Variants in WWOX observed in about 807,000 individuals in gnomAD.
WWOX encodes WW domain-containing oxidoreductase.
A neutral mutation model predicts 46.2 loss-of-function variants in WWOX; 69 were observed. That is an observed-to-expected ratio of 1.49 (90% confidence interval 1.23 to 1.82). The LOEUF is 1.82. WWOX is among the 40% of genes most tolerant of loss of function. The pLI is 0.00. For missense variants in WWOX, 919 were observed against 542.6 expected, an observed-to-expected ratio of 1.69 and a Z score of -6.89; for synonymous variants, 359 against 202.6, an observed-to-expected ratio of 1.77 and a Z score of -6.56.
At chr16:78,616,275 C>G (rs1420267349) in intron 8 of WWOX, among the ~76,000 whole-genome samples, 1 of 151,774 alleles carries the variant, frequency 6.6e-6, no homozygotes, top group Non-Finnish European at 1.5e-5. Context: ...TTTTGGGCTG[C>G]TATAACAAAA....
intron 6 of WWOX, among the ~76,000 whole-genome samples, chr16:78,390,962 G>C (rs867644475): frequency 6.6e-6 from 1 of 152,186 alleles, no homozygotes; most frequent in Non-Finnish European, 1.5e-5. Flanking sequence ...ATCAGGCTCT[G>C]AGTTCCTGTG....
intron 5 of WWOX, among the ~76,000 whole-genome samples, chr16:78,259,955 TCCTATGCAGTTTACA>T (rs2038234652): frequency 1.3e-5 from 2 of 151,254 alleles, no homozygotes; most frequent in African/African-American, 4.9e-5. Context: ...TAGGATAAAA[TCCTATGCAGTTTACA>T]GAAATGTAAA....
At chr16:79,085,647 T>C (rs2048840754) in intron 8 of WWOX, among the ~76,000 whole-genome samples, 1 of 152,252 alleles carries the variant, frequency 6.6e-6, no homozygotes, top group Non-Finnish European at 1.5e-5. Context: ...TTCAAAATTA[T>C]ATCATCTTTA....
rs916252527 is a variant in WWOX at position 78,967,033 on chromosome 16, C to G, written c.1057-244575C>G. 7.2e-5 allele frequency among the ~76,000 whole-genome samples: 11 copies of G among 152,262 alleles called. No individual in the cohort carries two copies. The East Asian group carries it at 2.1e-3, about 29-fold the overall frequency. On this transcript the variant is annotated intron_variant, in intron 8 of 8. Coordinates refer to ENST00000566780, the MANE Select transcript of WWOX (RefSeq NM_016373.4). ...GAGCCTGTAGAATATGCAGACTATT[C>G]AAATGCTTCCTTTGGTCCATTGTTG...
intron 8 of WWOX, among the ~76,000 whole-genome samples, chr16:78,944,635 C>T (rs772413253): frequency 3.3e-4 from 50 of 152,056 alleles, no homozygotes; most frequent in Admixed American, 7.2e-4. Context: ...GAATGAATGG[C>T]GGGTCACCCA....
intron 8 of WWOX, among the ~76,000 whole-genome samples, chr16:78,988,975 T>A (rs2046832977): frequency 6.6e-6 from 1 of 152,190 alleles, no homozygotes; most frequent in African/African-American, 2.4e-5. Flanking sequence ...GCAGGAGAAT[T>A]CCTGAGTTCC....
At chr16:78,570,743 C>G (rs1438798185) in intron 8 of WWOX, among the ~76,000 whole-genome samples, 1 of 152,120 alleles carries the variant, frequency 6.6e-6, no homozygotes, top group Non-Finnish European at 1.5e-5. Flanking sequence ...GCCAAAAAAT[C>G]AGTAAACACC....
intron 8 of WWOX, among the ~76,000 whole-genome samples, chr16:79,185,576 C>G (rs1447312527): frequency 6.6e-6 from 1 of 152,176 alleles, no homozygotes; most frequent in Non-Finnish European, 1.5e-5. Context: ...CCGCACAGAT[C>G]TCATGTCAAA....
At chr16:79,005,335 C>G (rs1010487047) in intron 8 of WWOX, among the ~76,000 whole-genome samples, 4 of 152,158 alleles carry the variant, frequency 2.6e-5, no homozygotes, top group Non-Finnish European at 5.9e-5. Flanking sequence ...CATTTACTCC[C>G]CAGGCTAAGC....
At chr16:78,773,449 C>A (rs903187697) in intron 8 of WWOX, among the ~76,000 whole-genome samples, 5 of 152,190 alleles carry the variant, frequency 3.3e-5, no homozygotes, top group African/African-American at 9.6e-5. Flanking sequence ...CGGGACATTC[C>A]TCCCTCATTT....
At chr16:78,868,061 T>A (rs1260248215) in intron 8 of WWOX, among the ~76,000 whole-genome samples, 1 of 152,204 alleles carries the variant, frequency 6.6e-6, no homozygotes, top group South Asian at 2.1e-4. Context: ...TAAATGCTTA[T>A]ACAAAGTCTT....
At chr16:78,934,681 C>T (rs1433842073) in intron 8 of WWOX, among the ~76,000 whole-genome samples, 4 of 152,106 alleles carry the variant, frequency 2.6e-5, no homozygotes, top group Non-Finnish European at 5.9e-5. Flanking sequence ...ATCTTCAGTG[C>T]CAGAACCCAG....
chr16:78,375,056 A>G (rs566452726), intron 5 of WWOX, among the ~76,000 whole-genome samples: 2 of 152,192 alleles, frequency 1.3e-5, no homozygotes, highest in Non-Finnish European at 2.9e-5. Context: ...CATTTTAAGC[A>G]GGAAACCTTA....
chr16:78,666,736 T>G (rs1038532728), intron 8 of WWOX, among the ~76,000 whole-genome samples: 1 of 152,214 alleles, frequency 6.6e-6, no homozygotes, highest in African/African-American at 2.4e-5. Flanking sequence ...TCTGCCTCTT[T>G]CCTAATGGGA....
intron 8 of WWOX, among the ~76,000 whole-genome samples, chr16:78,983,739 A>G (rs1171550886): frequency 6.6e-6 from 1 of 152,204 alleles, no homozygotes; most frequent in Non-Finnish European, 1.5e-5. Context: ...GCATTTCAGG[A>G]GTGAGAGATA....
At chr16:78,591,219 A>G (rs1395340437) in intron 8 of WWOX, among the ~76,000 whole-genome samples, 2 of 152,198 alleles carry the variant, frequency 1.3e-5, no homozygotes, top group Non-Finnish European at 2.9e-5. Context: ...CTAGAGAACA[A>G]AGCACCTTCT....
At chr16:79,149,905 C>T (rs2050245752) in intron 8 of WWOX, among the ~76,000 whole-genome samples, 1 of 152,170 alleles carries the variant, frequency 6.6e-6, no homozygotes. Flanking sequence ...ATCCTTCTAT[C>T]CATCAACCCA....
intron 8 of WWOX, among the ~76,000 whole-genome samples, chr16:78,786,717 C>G (rs993738600): frequency 5.9e-5 from 9 of 152,206 alleles, no homozygotes; most frequent in African/African-American, 1.7e-4. Context: ...TGTCATATCA[C>G]TCAATCACTG....
chr16:78,985,582 A>C (rs1432203783), intron 8 of WWOX, among the ~76,000 whole-genome samples: 1 of 152,224 alleles, frequency 6.6e-6, no homozygotes, highest in African/African-American at 2.4e-5. Context: ...CAGCCTGACA[A>C]ACATGGTGAA....
Sources: gnomAD v4.1 joint callset for allele counts (sites outside exome capture counted in the v4.1 genomes callset) on GRCh38, gnomAD v4.1.1 for gene constraint, MANE v1.5 for transcripts, NCBI Gene and HGNC (gene_info 2026-07-23, HGNC 2026-07-21) for gene names.